The following ENPP3 variants were observed in gnomAD, a reference collection of about 807,000 sequenced individuals.
ENPP3 encodes the protein ectonucleotide pyrophosphatase/phosphodiesterase 3, also known as ectonucleotide pyrophosphatase/phosphodiesterase family member 3.
ENPP3 carries 104 observed loss-of-function variants against 117.8 expected under a neutral mutation model. That is an observed-to-expected ratio of 0.88 (90% CI 0.75 to 1.04). The LOEUF (loss-of-function observed/expected upper bound fraction) is 1.04, where lower values mean the gene tolerates loss of function less well. ENPP3 is among the 50% of genes least tolerant of loss of function. The probability of loss-of-function intolerance (pLI) is 0.00; values close to 1 mark genes in which losing one functional copy is unlikely to be tolerated. For missense variants in ENPP3, 1,026 were observed against 1,051.9 expected, an observed-to-expected ratio of 0.98 and a Z score of 0.34; for synonymous variants, 380 against 349.9, an observed-to-expected ratio of 1.09 and a Z score of -0.96.
intron 20 of ENPP3, among the ~76,000 whole-genome samples, chr6:131,728,676 G>T (rs560736653): frequency 6.6e-6 from 1 of 152,248 alleles, no homozygotes; most frequent in East Asian, 1.9e-4. Context: ...GCTTAAATAA[G>T]CACTTTTTGG....
intron 5 of ENPP3, 33 bp from the exon 6 acceptor site, chr6:131,658,290 A>G (rs1778427296): frequency 8.1e-7 from 1 of 1,235,560 alleles, no homozygotes; most frequent in Middle Eastern, 1.9e-4. Context: ...TAGCTATCCA[A>G]AACAATGGAC....
At position 131,685,514 on chromosome 6, in the gene ENPP3, A is replaced by C; in HGVS notation, c.1252+19A>C. ...TTTAGTTGTAAGTATGAAGACACCTATATGAAAAAAAGGGTAAACCTGAAA... is the reference window on the plus strand; with the variant it reads ...TTTAGTTGTAAGTATGAAGACACCTCTATGAAAAAAAGGGTAAACCTGAAA... On this transcript the variant is annotated intron_variant, in intron 13 of 24. Transcript: ENST00000357639. 2 of 1,607,980 alleles carry C rather than the reference A, an allele frequency of 1.2e-6. No homozygotes were observed.
rs559085420 is a variant in ENPP3, at chr6:131,708,890, T to C, written c.1413-9782T>C. Reference sequence around the variant, plus strand: ...CCTCTTCTCATGAATGGGCCCCTTGTATCCACTGGAAACAATGGACCGCTG... The same window carrying C: ...CCTCTTCTCATGAATGGGCCCCTTGCATCCACTGGAAACAATGGACCGCTG... On this transcript the variant is annotated intron_variant, in intron 15 of 24. Transcript: ENST00000357639. The C allele has an allele frequency of 1.8e-5, 29 of 1,608,472 alleles. 2 individuals carry two copies. The highest frequency in any genetic ancestry group is 2.8e-5 in the African/African-American group (2 of 70,342).
chr6:131,640,875 A>G (rs1443906370), intron 1 of ENPP3, among the ~76,000 whole-genome samples: 4 of 152,240 alleles, frequency 2.6e-5, no homozygotes, highest in Admixed American at 1.3e-4. Flanking sequence ...AATGAATGAC[A>G]TAAACAATCT....
chr6:131,715,579 T>G (rs1366304066), intron 15 of ENPP3, among the ~76,000 whole-genome samples: 1 of 148,336 alleles, frequency 6.7e-6, no homozygotes, highest in Non-Finnish European at 1.5e-5. Flanking sequence ...AGCAGTAGCC[T>G]GAGCCACCCC....
chr6:131,668,190 C>T (rs1285164306), intron 6 of ENPP3, among the ~76,000 whole-genome samples: 5 of 137,544 alleles, frequency 3.6e-5, no homozygotes, highest in Non-Finnish European at 6.3e-5. Context: ...TTTTTTGAGT[C>T]GGAGTCTCGC....
At chr6:131,731,262 T>G (rs1458710570) in intron 20 of ENPP3, among the ~76,000 whole-genome samples, 2 of 152,200 alleles carry the variant, frequency 1.3e-5, no homozygotes, top group African/African-American at 4.8e-5. Context: ...GCTTCTATTT[T>G]AAGAGTTAGG....
chr6:131,701,391 T>G (rs749872315), intron 15 of ENPP3: 1 of 1,613,952 alleles, frequency 6.2e-7, no homozygotes, highest in Non-Finnish European at 8.5e-7. Context: ...GGATGTTATA[T>G]TGTCTCCCAT....
At chr6:131,697,856 T>C (rs973566825) in intron 15 of ENPP3, among the ~76,000 whole-genome samples, 2 of 152,002 alleles carry the variant, frequency 1.3e-5, no homozygotes, top group Non-Finnish European at 2.9e-5. Flanking sequence ...GGACCCCTAG[T>C]CTAGTGTGAA....
chr6:131,675,039 A>G, intron 8 of ENPP3, 41 bp from the exon 9 acceptor site: 2 of 1,190,332 alleles, frequency 1.7e-6, no homozygotes, highest in Non-Finnish European at 2.5e-6. Flanking sequence ...TTTCTACCCA[A>G]AGTAATTACT....
intron 24 of ENPP3, among the ~76,000 whole-genome samples, chr6:131,740,843 T>C (rs1276549350): frequency 6.6e-6 from 1 of 152,204 alleles, no homozygotes. Context: ...CTTCTAGCTA[T>C]CTTGAAATAT....
chr6:131,655,424 T>C (rs1331580280), intron 5 of ENPP3, among the ~76,000 whole-genome samples: 1 of 152,172 alleles, frequency 6.6e-6, no homozygotes, highest in Non-Finnish European at 1.5e-5. Context: ...GCTGCATTCC[T>C]AGTGGTTGCT....
At chr6:131,707,535 C>T (rs1164816351) in intron 15 of ENPP3, among the ~76,000 whole-genome samples, 3 of 73,856 alleles carry the variant, frequency 4.1e-5, no homozygotes, top group Non-Finnish European at 2.3e-5. Context: ...TCACTAGAGA[C>T]TTTTCCTCTT....
intron 16 of ENPP3, among the ~76,000 whole-genome samples, chr6:131,719,382 A>AACACACACACACAC (rs3032879): frequency 9.5e-4 from 127 of 133,196 alleles, no homozygotes; most frequent in African/African-American, 2.1e-3. Context: ...TTCCATTTGT[A>AACACACACACACAC]ACACACACAC....
chr6:131,643,063 T>C (rs928368780), intron 2 of ENPP3: 2 of 152,232 alleles, frequency 1.3e-5, no homozygotes, highest in Non-Finnish European at 2.9e-5. Flanking sequence ...TAAGGTTAAC[T>C]GATAATTTTC....
At chr6:131,694,433 T>C (rs1779356016) in intron 15 of ENPP3, among the ~76,000 whole-genome samples, 1 of 152,234 alleles carries the variant, frequency 6.6e-6, no homozygotes. Flanking sequence ...ATACCAGCAC[T>C]TTTTTCCTTA....
At chr6:131,663,101 T>A (rs1245052200) in intron 6 of ENPP3, among the ~76,000 whole-genome samples, 1 of 151,928 alleles carries the variant, frequency 6.6e-6, no homozygotes, top group Non-Finnish European at 1.5e-5. Context: ...GTAGATAGTA[T>A]CATGTCTTCT....
rs1441188267 is a variant in ENPP3 at position 131,693,474 on chromosome 6, A to G, written c.1285-23A>G. The G allele has an allele frequency of 3.7e-6, 6 of 1,600,494 alleles. No homozygotes were observed. In the African/African-American group the frequency reaches 6.7e-5, roughly 18 times the overall value. Reference sequence around the variant, plus strand: ...AATTTGCATATCTTATGTATCATAAAGAAATATTTACTTGCTTTTCAGTGC... The same window carrying G: ...AATTTGCATATCTTATGTATCATAAGGAAATATTTACTTGCTTTTCAGTGC... On this transcript the variant is annotated intron_variant, in intron 14 of 24. Coordinates refer to ENST00000357639, the MANE Select transcript of ENPP3 (RefSeq NM_005021.5).
chr6:131,680,487 C>G (rs1779000730), intron 11 of ENPP3, among the ~76,000 whole-genome samples: 2 of 151,930 alleles, frequency 1.3e-5, no homozygotes, highest in Non-Finnish European at 2.9e-5. Context: ...TCTGGGATAT[C>G]GGCAGCATAT....
Sources: gnomAD v4.1 joint callset for allele counts (sites outside exome capture counted in the v4.1 genomes callset) on GRCh38, gnomAD v4.1.1 for gene constraint, MANE v1.5 for transcripts, NCBI Gene and HGNC (gene_info 2026-07-23, HGNC 2026-07-21) for gene names.